Variants in MYO15A observed in about 807,000 individuals in gnomAD.
MYO15A encodes unconventional myosin-XV.
A neutral mutation model predicts 394.6 loss-of-function variants in MYO15A; 308 were observed. That is an observed-to-expected ratio of 0.78 (90% confidence interval 0.71 to 0.86). MYO15A has a LOEUF of 0.86. Among genes scored for constraint, MYO15A ranks in the 40% least tolerant of loss-of-function variants. MYO15A has a pLI of 0.00. For synonymous variants in MYO15A, 1,957 were observed against 2,003.8 expected, an observed-to-expected ratio of 0.98 and a Z score of 0.62; for missense variants, 4,606 against 4,799.1, an observed-to-expected ratio of 0.96 and a Z score of 1.19.
rs2045909000 is a variant in MYO15A, at chr17:18,120,847, G to A, written c.2047G>A (p.Ala683Thr). The change falls in exon 2 of 66, where the codon GCG (alanine) becomes ACG (threonine). Residue 683 changes from alanine to threonine, a missense_variant. This residue lies in a region of MYO15A where 1,830 missense variants were observed against 1,689.7 expected (regional missense o/e 1.08). Transcript: ENST00000647165. ...CCCGCCCGCGCCGCCGCTCTCCCCG[G>A]CGCTCTCGGGCCTGCCCCGGCCGGC... Reference protein sequence around the residue: ...GPPPAPPLSPALSGLPRPASP... With the variant: ...GPPPAPPLSPTLSGLPRPASP... 2.5e-6 allele frequency: 3 copies of A among 1,191,512 alleles called. No individual in the cohort carries two copies. The highest frequency in any genetic ancestry group is 3.1e-6 in the Non-Finnish European group (3 of 960,240). The allele number at this position is 1,191,512 out of a possible 1,614,324, so 73.8% of individuals were successfully genotyped here.
intron 24 of MYO15A, 43 bp downstream of exon 24, chr17:18,142,297 A>G (rs2046396138): frequency 6.3e-7 from 1 of 1,593,038 alleles, no homozygotes; most frequent in Admixed American, 1.8e-5. Flanking sequence ...ACCTATGGTC[A>G]GGCTCGGGAG....
intron 65 of MYO15A, among the ~76,000 whole-genome samples, chr17:18,174,543 G>A (rs915887051): frequency 3.3e-5 from 5 of 152,164 alleles, no homozygotes; most frequent in African/African-American, 4.8e-5. Flanking sequence ...GTTGGAGTTC[G>A]AGGCTGCAGT....
chr17:18,124,853 A>T, intron 3 of MYO15A: 4 of 584,716 alleles, frequency 6.8e-6, no homozygotes, highest in Non-Finnish European at 9.2e-6. Context: ...TGTTGTGAGG[A>T]TGCCAGCACA....
intron 7 of MYO15A, among the ~76,000 whole-genome samples, chr17:18,127,700 A>C (rs2046075076): frequency 6.6e-6 from 1 of 152,038 alleles, no homozygotes; most frequent in Admixed American, 6.6e-5. Context: ...CCGTTCCCTC[A>C]GTAAAGATCT....
chr17:18,178,687 AC>A (rs1316894448), intron 65 of MYO15A, 81 bp from the exon 66 acceptor site: 1 of 1,349,830 alleles, frequency 7.4e-7, no homozygotes. Flanking sequence ...TCTCCCAACC[AC>A]CTCTCCATTC....
In MYO15A at chr17:18,120,199, G is replaced by A. The variant is rs753823625; in HGVS notation, c.1399G>A (p.Ala467Thr). 1.9e-6 allele frequency: 3 copies of A among 1,612,798 alleles called. No homozygotes were observed. The highest frequency in any genetic ancestry group is 3.3e-5 in the Admixed American group (2 of 60,024). The change falls in exon 2 of 66, where the codon GCC becomes ACC. Residue 467 changes from alanine (A) to threonine (T), a missense_variant. Coordinates refer to ENST00000647165, the MANE Select transcript of MYO15A (RefSeq NM_016239.4). ...CGAGCAGCAAGGCATGGATAAGCCC[G>A]CCAGGTCCAAGCTGTCCCTCATCCG... ...FFEQQGMDKP[A>T]RSKLSLIRKF... is the part of the protein sequence containing the mutation.
Position 18,143,574 on chromosome 17 carries a change from A to G in MYO15A, c.5919A>G (p.Ala1973=), listed in dbSNP as rs200795894. ...CATCTTCTCTTCTGAAGCTGAGGGC[A>G]GAGTGGAGGTGCCAGGTGGAGGGGG... The part of the protein sequence containing the change: ...VSRRRYLKLR[A]EWRCQVEGAL... The change falls in exon 26 of 66, where the codon GCA becomes GCG. Residue 1973 remains alanine (A), a synonymous_variant. Coordinates refer to ENST00000647165, the MANE Select transcript of MYO15A (RefSeq NM_016239.4). The G allele has an allele frequency of 1.3e-6, 2 of 1,559,298 alleles. No homozygotes were observed. The highest frequency in any genetic ancestry group is 2.7e-5 in the African/African-American group (2 of 73,552).
chr17:18,151,171 T>C lies in MYO15A; in HGVS notation c.7535T>C (p.Val2512Ala). Residue 2512 changes from valine (V) to alanine (A), a missense_variant, in exon 39 of 66, where the codon GTG becomes GCG. Coordinates refer to ENST00000647165, the MANE Select transcript of MYO15A (RefSeq NM_016239.4). ...SVGTGPPAKP[V>A]LLRATPKPLA... ...GGCACCGGTCCCCCTGCCAAACCCG[T>C]GCTCCTGCGTGCCACTCCAAAGCCC... 6.2e-7 allele frequency: 1 copy of C among 1,614,056 alleles called. No homozygotes were observed. The highest frequency in any genetic ancestry group is 8.5e-7 in the Non-Finnish European group (1 of 1,180,016).
In MYO15A at chr17:18,141,784, G is replaced by T. The variant is rs2072653; in HGVS notation, c.5649+14G>T. 61 of 1,613,178 alleles carry T rather than the reference G, an allele frequency of 3.8e-5. No individual in the cohort carries two copies. In the South Asian group the frequency reaches 6.4e-4, roughly 17 times the overall value. ...GGGGTCAGCAAGGTGAGTCCTGCCC[G>T]ACAGTCAGCCCTTGGAGACCCCAAG... On this transcript the variant is annotated intron_variant, in intron 23 of 65. Coordinates refer to ENST00000647165, the MANE Select transcript of MYO15A (RefSeq NM_016239.4).
rs2045838654 is a variant in MYO15A at position 18,118,959 on chromosome 17, C to A, written c.159C>A (p.Phe53Leu). 6.2e-7 allele frequency: 1 copy of A among 1,613,310 alleles called. No homozygotes were observed. The highest frequency in any genetic ancestry group is 8.5e-7 in the Non-Finnish European group (1 of 1,180,026). Residue 53 changes from phenylalanine (F) to leucine (L), a missense_variant, in exon 2 of 66, where the codon TTC becomes TTA. By Grantham distance (22) the Phe-to-Leu change is conservative (BLOSUM62 0). Around this residue, in one of 2 missense-constraint regions of MYO15A, gnomAD observed 1,830 missense variants for 1,689.7 expected, o/e 1.08. Transcript: ENST00000647165. ...CCAAGATCTCCAAGAAGGGCCAGTTCCGCAGCGCCTCGGCCTTCTTCTGGG... is the reference window on the plus strand; with the variant it reads ...CCAAGATCTCCAAGAAGGGCCAGTTACGCAGCGCCTCGGCCTTCTTCTGGG... ...RTPKISKKGQ[F>L]RSASAFFWGL...
rs1485686007 is a variant in MYO15A, at chr17:18,147,809, G to C, written c.6510-220G>C. On this transcript the variant is annotated intron_variant, in intron 30 of 65. Transcript: ENST00000647165. This position sits in a 1 kb window ranked among gnomAD's most constrained non-coding sequence, Gnocchi z 4.4. ...CTAAACTACCCTGAGATCTTTTGTA[G>C]GCTAGCCTGGGACCCCTTAAGTGCA... 6.6e-6 allele frequency among the ~76,000 whole-genome samples: 1 copy of C among 152,080 alleles called. No individual in the cohort carries two copies. Among genetic ancestry groups the C allele is most frequent in the Non-Finnish European group, 1.5e-5 (1 of 67,992 alleles).
chr17:18,125,217 C>G lies in MYO15A; in HGVS notation c.3742C>G (p.Arg1248Gly). Residue 1248 changes from arginine to glycine, a missense_variant, in exon 4 of 66, where the codon CGG (arginine) becomes GGG (glycine). Arg to Gly is a moderately radical substitution (Grantham distance 125). This residue lies in a region of MYO15A where 2,776 missense variants were observed against 3,109.3 expected (regional missense o/e 0.89). Transcript: ENST00000647165. ...GTCCAACCTCAAGATTAGATTTGAA[C>G]GGAACCTCATCTACGTAAGGCCTGG... The part of the protein sequence containing the change: ...VLSNLKIRFE[R>G]NLIYTYIGSI... 6.2e-7 allele frequency: 1 copy of G among 1,614,094 alleles called. No homozygotes were observed. The highest frequency in any genetic ancestry group is 8.5e-7 in the Non-Finnish European group (1 of 1,180,014).
chr17:18,162,505 T>C, intron 57 of MYO15A, 80 bp from the exon 58 acceptor site: 1 of 1,274,936 alleles, frequency 7.8e-7, no homozygotes, highest in Non-Finnish European at 1.1e-6. Flanking sequence ...TGCAGTGGGC[T>C]CATGGTTGGT....
intron 1 of MYO15A, among the ~76,000 whole-genome samples, chr17:18,114,332 A>C (rs1597742033): frequency 7.3e-6 from 1 of 136,814 alleles, no homozygotes; most frequent in Non-Finnish European, 1.5e-5. Flanking sequence ...GCTCACTGCA[A>C]CCTCTGCCTC....
chr17:18,126,489 C>G (rs761871698), intron 5 of MYO15A, 33 bp downstream of exon 5: 4 of 1,583,916 alleles, frequency 2.5e-6, no homozygotes, highest in Non-Finnish European at 2.6e-6. Context: ...CCTGGGGTCT[C>G]TTGGGCCCCT....
chr17:18,127,834 GAT>G lies in MYO15A; in HGVS notation c.4032+695_4032+696del, dbSNP rs55650584. Among the ~76,000 whole-genome samples the G allele has an allele frequency of 7.3e-3, 952 of 131,078 alleles. 14 individuals are homozygous for G. The highest frequency in any genetic ancestry group is 0.018 in the African/African-American group (636 of 35,340). The allele number at this position is 131,078 out of a possible 152,430, so 86.0% of individuals were successfully genotyped here. A position where few individuals can be genotyped will look rare whatever the true frequency, so the allele number is the denominator to read the frequency against. On this transcript the variant is annotated intron_variant, in intron 7 of 65. Transcript: ENST00000647165. The stretch of plus-strand genomic sequence containing the variant: ...TGGTGGAGGTGGGAAGAAAAAAAAA[GAT>G]ATATATATATATATATATATATATA...
At chr17:18,140,474 C>T (rs1186737979) in intron 19 of MYO15A, 43 bp from the exon 20 acceptor site, 10 of 1,612,824 alleles carry the variant, frequency 6.2e-6, no homozygotes, top group Admixed American at 1.7e-5. Flanking sequence ...TTCGGTCTCC[C>T]GGACCCTGCC....
rs373561242 is a variant in MYO15A, at chr17:18,121,102, C to A, written c.2302C>A (p.Arg768=). 275 of 1,502,684 alleles carry A rather than the reference C, an allele frequency of 1.8e-4. 2 individuals carry two copies. The African/African-American group carries it at 3.3e-3, about 18-fold the overall frequency. 93.1% of individuals were successfully genotyped at this position (1,502,684 alleles called of 1,614,324 possible). Residue 768 remains arginine (R), a synonymous_variant, in exon 2 of 66, where the codon CGA becomes AGA. Transcript: ENST00000647165. This position sits in a 1 kb window ranked among gnomAD's most constrained non-coding sequence, Gnocchi z 5.3. ...GGCCTCTCCACGGGCGTCGCGGAGGCGAGCTTGGTCACCGCTGGCCTCGCC... is the reference window on the plus strand; with the variant it reads ...GGCCTCTCCACGGGCGTCGCGGAGGAGAGCTTGGTCACCGCTGGCCTCGCC... The part of the protein sequence containing the change: ...PGASPRASRR[R]AWSPLASPQP...
At chr17:18,159,217 C>T in intron 53 of MYO15A, 58 bp from the exon 54 acceptor site, 2 of 1,577,748 alleles carry the variant, frequency 1.3e-6, no homozygotes, top group Non-Finnish European at 1.7e-6. Context: ...CACAATGTGT[C>T]CCCTTTCTGT....
Sources: allele counts gnomAD v4.1 joint callset (sites outside exome capture counted in the v4.1 genomes callset), GRCh38; gene constraint gnomAD v4.1.1; regional missense constraint gnomAD v4.1.1; non-coding constraint Gnocchi (gnomAD v3.1); transcripts MANE v1.5; gene names NCBI Gene and HGNC (gene_info 2026-07-23, HGNC 2026-07-21).